Variants in NUP210 observed in about 807,000 individuals in gnomAD.
The protein encoded by NUP210 is nuclear pore membrane glycoprotein 210.
In NUP210, 151 loss-of-function variants were observed where a neutral mutation model predicts 196.0. The observed-to-expected ratio is 0.77, with a 90% CI of 0.67 to 0.88. The LOEUF (loss-of-function observed/expected upper bound fraction) is 0.88, where lower values mean the gene tolerates loss of function less well. Ranked by LOEUF, NUP210 falls within the 40% of genes least tolerant of loss-of-function variation. The probability of loss-of-function intolerance (pLI) is 0.00; values close to 1 mark genes in which losing one functional copy is unlikely to be tolerated. For missense variants in NUP210, 2,314 were observed against 2,493.7 expected (o/e 0.93, Z 1.53); for synonymous variants, 1,070 against 1,052.7 (o/e 1.02, Z -0.32).
At chr3:13,343,126 A>C (rs1286286066) in intron 21 of NUP210, 49 bp downstream of exon 21, 2 of 1,607,616 alleles carry the variant, frequency 1.2e-6, no homozygotes, top group Non-Finnish European at 1.7e-6. Context: ...CCTCCCTCCC[A>C]GTTCCTGCAG....
intron 33 of NUP210, among the ~76,000 whole-genome samples, chr3:13,324,581 T>C (rs960727165): frequency 6.6e-6 from 1 of 152,176 alleles, no homozygotes; most frequent in African/African-American, 2.4e-5. Flanking sequence ...TGGATGCTCA[T>C]GGAGCTCTGA....
intron 13 of NUP210, among the ~76,000 whole-genome samples, chr3:13,371,369 C>T (rs1224817548): frequency 1.3e-5 from 2 of 152,180 alleles, no homozygotes; most frequent in East Asian, 3.8e-4. Flanking sequence ...CCTGTCCTGT[C>T]CTGACAGGAC....
At chr3:13,338,861 G>A (rs559673814) in intron 25 of NUP210, among the ~76,000 whole-genome samples, 100 of 152,288 alleles carry the variant, frequency 6.6e-4, no homozygotes, top group Non-Finnish European at 1.2e-3. Flanking sequence ...AGGGTGCCCA[G>A]CAAGGTTAGA....
intron 23 of NUP210, among the ~76,000 whole-genome samples, chr3:13,341,321 C>T (rs574769588): frequency 6.6e-6 from 1 of 152,228 alleles, no homozygotes; most frequent in African/African-American, 2.4e-5. Flanking sequence ...GCTCACGCAG[C>T]CCCTGTGACA....
intron 1 of NUP210, among the ~76,000 whole-genome samples, chr3:13,412,581 G>A (rs892916416): frequency 1.2e-4 from 18 of 152,038 alleles, no homozygotes; most frequent in Non-Finnish European, 2.4e-4. Context: ...GGGCATGGTG[G>A]TGGATGCCTG....
At chr3:13,370,493 T>C (rs1219699230) in intron 13 of NUP210, among the ~76,000 whole-genome samples, 1 of 152,240 alleles carries the variant, frequency 6.6e-6, no homozygotes, top group East Asian at 1.9e-4. Flanking sequence ...CTCCAAGCCC[T>C]GAACTTTCCT....
At chr3:13,360,557 C>CAGCACGGGCAGGAGCAGGG in intron 14 of NUP210, 66 bp from the exon 15 acceptor site, 2 of 1,292,864 alleles carry the variant, frequency 1.5e-6, no homozygotes, top group African/African-American at 2.9e-5. Context: ...GCCGGGCATC[C>CAGCACGGGCAGGAGCAGGG]CAGCCCCACA....
intron 1 of NUP210, among the ~76,000 whole-genome samples, chr3:13,404,699 C>T (rs542099269): frequency 1.3e-5 from 2 of 152,326 alleles, no homozygotes; most frequent in South Asian, 2.1e-4. Flanking sequence ...AGCGCCCTCC[C>T]TCCGAAGGGC....
chr3:13,358,340 A>G lies in NUP210; in HGVS notation c.2210T>C (p.Val737Ala). The G allele has an allele frequency of 6.2e-7, 1 of 1,613,848 alleles. No homozygotes were observed. Residue 737 changes from valine (V) to alanine (A), a missense_variant, in exon 16 of 40, where the codon GTG becomes GCG. Coordinates refer to ENST00000254508, the MANE Select transcript of NUP210 (RefSeq NM_024923.4). ...KPSLTNPFPA[V>A]EPAVVKFVCA... ...GACGAACTTCACCACGGCAGGCTCC[A>G]CCGCAGGAAAGGGGTTGGTGAGGCT...
At chr3:13,320,709 A>G (rs1696487747) in intron 36 of NUP210, among the ~76,000 whole-genome samples, 1 of 149,552 alleles carries the variant, frequency 6.7e-6, no homozygotes, top group Non-Finnish European at 1.5e-5. Context: ...CATCCTGGCT[A>G]ACATGGTGAA....
chr3:13,322,052 G>A (rs555392164), intron 35 of NUP210, 141 bp downstream of exon 35: 42 of 1,211,942 alleles, frequency 3.5e-5, no homozygotes, highest in Middle Eastern at 2.1e-4. Flanking sequence ...TCCCCCTGGC[G>A]TCAATCCCCA....
Position 13,366,079 on chromosome 3 carries a change from G to A in NUP210, c.1799C>T (p.Pro600Leu). Residue 600 changes from proline to leucine, a missense_variant, in exon 14 of 40, where the codon CCA (proline) becomes CTA (leucine). Transcript: ENST00000254508. Reference protein sequence around the residue: ...VFQPLPGRLPPGSEHCSGIRV... With the variant: ...VFQPLPGRLPLGSEHCSGIRV... Reference sequence around the variant, plus strand: ...GATGCCGCTGCAGTGCTCAGAGCCTGGCGGCAGCCTCCCTACAGAAAGGAG... The same window carrying A: ...GATGCCGCTGCAGTGCTCAGAGCCTAGCGGCAGCCTCCCTACAGAAAGGAG... 2 of 1,613,724 alleles carry A rather than the reference G, an allele frequency of 1.2e-6. No individual in the cohort carries two copies. The highest frequency in any genetic ancestry group is 1.7e-4 in the Middle Eastern group (1 of 6,054).
Position 13,340,153 on chromosome 3 carries a change from A to G in NUP210, c.3291+83T>C. The G allele has an allele frequency of 6.2e-7, 1 of 1,605,880 alleles. No individual in the cohort carries two copies. Among genetic ancestry groups the G allele is most frequent in the Non-Finnish European group, 8.5e-7 (1 of 1,174,420 alleles). The stretch of plus-strand genomic sequence containing the variant: ...TCTGCCTTCTTCTCCCAGTCACTGC[A>G]CGCAGGGCCAGAGGCGGCGTGCCTG... On this transcript the variant is annotated intron_variant, in intron 24 of 39. Coordinates refer to ENST00000254508, the MANE Select transcript of NUP210 (RefSeq NM_024923.4). The surrounding 1 kb of genome is among the most constrained non-coding windows in gnomAD (Gnocchi z 4.0).
rs1244012243 is a variant in NUP210 at position 13,319,114 on chromosome 3, C to A, written c.5521G>T (p.Ala1841Ser). ...VCTPRDLAVP[A>S]ALTPRASPGH... The stretch of plus-strand genomic sequence containing the variant: ...GGGCTGGCTCGAGGCGTGAGGGCTG[C>A]AGGCACAGCAAGATCCCGGGGCGTG... The change falls in exon 39 of 40, where the codon GCA becomes TCA. Residue 1841 changes from alanine to serine, a missense_variant. Physicochemically the swap from Ala to Ser is moderately conservative, Grantham distance 99. Coordinates refer to ENST00000254508, the MANE Select transcript of NUP210 (RefSeq NM_024923.4). The A allele has an allele frequency of 6.2e-6, 10 of 1,608,908 alleles. No homozygotes were observed. The highest frequency in any genetic ancestry group is 3.3e-4 in the Middle Eastern group (2 of 6,072).
Position 13,340,368 on chromosome 3 carries a change from C to A in NUP210, c.3229-70G>T. Reference sequence around the variant, plus strand: ...CATGGCGCCAAGCATAACTCACACACTACATGTTTCATGAGAGGAAAACCT... The same window carrying A: ...CATGGCGCCAAGCATAACTCACACAATACATGTTTCATGAGAGGAAAACCT... On this transcript the variant is annotated intron_variant, in intron 23 of 39. Transcript: ENST00000254508. The surrounding 1 kb of genome is among the most constrained non-coding windows in gnomAD (Gnocchi z 4.0). 6 of 1,364,332 alleles carry A rather than the reference C, an allele frequency of 4.4e-6. No individual in the cohort carries two copies. In the South Asian group the frequency reaches 4.7e-5, roughly 11 times the overall value. 84.5% of individuals were successfully genotyped at this position (1,364,332 alleles called of 1,614,324 possible). A position where few individuals can be genotyped will look rare whatever the true frequency, so the allele number is the denominator to read the frequency against.
rs188627241 is a variant in NUP210 at position 13,335,473 on chromosome 3, G to C, written c.3824C>G (p.Ser1275Trp). Residue 1275 changes from serine to tryptophan, a missense_variant, in exon 28 of 40, where the codon TCG becomes TGG. Coordinates refer to ENST00000254508, the MANE Select transcript of NUP210 (RefSeq NM_024923.4). ...TCCTACCTGGACTTGGATCTCATCC[G>C]AGAGTTCTCTGGCCAGGCCATACAG... is the stretch of plus-strand genomic sequence containing the variant. ...GQLYGLAREL[S>W]DEIQVQVFEK... 3.7e-6 allele frequency: 6 copies of C among 1,613,704 alleles called. No homozygotes were observed. The East Asian group carries it at 1.3e-4, about 36-fold the overall frequency.
chr3:13,325,490 C>T (rs1305097850), intron 33 of NUP210, among the ~76,000 whole-genome samples: 8 of 152,234 alleles, frequency 5.3e-5, no homozygotes, highest in Non-Finnish European at 8.8e-5. Context: ...AGGGAAGCAC[C>T]GGCTCCCAGG....
At position 13,350,149 on chromosome 3, in the gene NUP210, A is replaced by C. The variant is rs1166059867; in HGVS notation, c.2835+1730T>G. Among the ~76,000 whole-genome samples, 2 of 152,206 alleles carry C rather than the reference A, an allele frequency of 1.3e-5. No homozygotes were observed. The highest frequency in any genetic ancestry group is 4.8e-5 in the African/African-American group (2 of 41,452). ...CAAGGTGTTATCCCCTAAGAGCAGT[A>C]TCAGAGACTTCTTACTGGGGAAAAG... On this transcript the variant is annotated intron_variant, in intron 20 of 39. Coordinates refer to ENST00000254508, the MANE Select transcript of NUP210 (RefSeq NM_024923.4). This position sits in a 1 kb window ranked among gnomAD's most constrained non-coding sequence, Gnocchi z 4.1.
At chr3:13,409,357 CT>C (rs1316379628) in intron 1 of NUP210, among the ~76,000 whole-genome samples, 2 of 152,148 alleles carry the variant, frequency 1.3e-5, no homozygotes, top group Non-Finnish European at 2.9e-5. Flanking sequence ...GACTAAGCGC[CT>C]TTATAAAAGA....
Sources: allele counts gnomAD v4.1 joint callset (sites outside exome capture counted in the v4.1 genomes callset), GRCh38; gene constraint gnomAD v4.1.1; non-coding constraint Gnocchi (gnomAD v3.1); transcripts MANE v1.5; gene names NCBI Gene and HGNC (gene_info 2026-07-23, HGNC 2026-07-21).